The following B4GALT7 variants were observed in gnomAD, a reference collection of about 807,000 sequenced individuals.
B4GALT7 encodes beta-1,4-galactosyltransferase 7, also known as UDP-Gal:beta-GlcNAc beta-1,4-galactosyltransferase 7.
In B4GALT7, 30 loss-of-function variants were observed where a neutral mutation model predicts 33.0. That is an observed-to-expected ratio of 0.91 (90% CI 0.68 to 1.23). B4GALT7 has a LOEUF of 1.23. Among genes scored for constraint, B4GALT7 ranks in the 50% most tolerant of loss-of-function variants. The pLI, the probability that B4GALT7 is intolerant of heterozygous loss-of-function variation, is 0.00. For synonymous variants in B4GALT7, 213 were observed against 187.2 expected (o/e 1.14, Z -1.13); for missense variants, 507 against 450.8 (o/e 1.12, Z -1.13).
Position 177,608,086 on chromosome 5 carries a change from CT to C in B4GALT7, c.640-452del, listed in dbSNP as rs1768066248. ...TTGTGGCTCAGGCCTGGGTGTCCTC[CT>C]CTCCAGGCCATGGCAGGGGCCAGCT... is the stretch of plus-strand genomic sequence containing the variant. On this transcript the variant is annotated intron_variant, in intron 3 of 5. Coordinates refer to ENST00000029410, the MANE Select transcript of B4GALT7 (RefSeq NM_007255.3). This position sits in a 1 kb window ranked among gnomAD's most constrained non-coding sequence, Gnocchi z 4.1. 4.2e-6 allele frequency: 1 copy of C among 236,876 alleles called. No homozygotes were observed. The highest frequency in any genetic ancestry group is 8.4e-6 in the Non-Finnish European group (1 of 118,756). 14.7% of individuals were successfully genotyped at this position (236,876 alleles called of 1,614,324 possible). A position where few individuals can be genotyped will look rare whatever the true frequency, so the allele number is the denominator to read the frequency against.
intron 1 of B4GALT7, among the ~76,000 whole-genome samples, chr5:177,602,313 G>A (rs143426523): frequency 7.2e-4 from 110 of 152,260 alleles, no homozygotes; most frequent in African/African-American, 2.5e-3. Context: ...AAAGGGAGGA[G>A]TTGGTCTGGC....
At position 177,609,744 on chromosome 5, in the gene B4GALT7, G is replaced by A; in HGVS notation, c.*49G>A. The A allele has an allele frequency of 6.4e-7, 1 of 1,557,044 alleles. No homozygotes were observed. Among genetic ancestry groups the A allele is most frequent in the African/African-American group, 1.4e-5 (1 of 73,432 alleles). Reference sequence around the variant, plus strand: ...TGTACCTACAGGCCATATTGCTCAGGCTCAGGACAAGGCCTCAGGTCGTGG... The same window carrying A: ...TGTACCTACAGGCCATATTGCTCAGACTCAGGACAAGGCCTCAGGTCGTGG... On this transcript the variant is annotated 3_prime_UTR_variant, in exon 6 of 6. Transcript: ENST00000029410.
chr5:177,601,556 G>T (rs1453811085), intron 1 of B4GALT7: 2 of 152,264 alleles, frequency 1.3e-5, no homozygotes, highest in African/African-American at 4.8e-5. Context: ...TGTTTCCAGA[G>T]AAATTTACTG....
At position 177,609,613 on chromosome 5, in the gene B4GALT7, C is replaced by T; in HGVS notation, c.902C>T (p.Ser301Phe). 2 of 1,614,054 alleles carry T rather than the reference C, an allele frequency of 1.2e-6. No homozygotes were observed. Among genetic ancestry groups the T allele is most frequent in the Non-Finnish European group, 1.7e-6 (2 of 1,180,056 alleles). ...KYHVASRTALSVGGAPCTVLN... is the reference protein window; with the variant it reads ...KYHVASRTALFVGGAPCTVLN... ...CATGTGGCTTCCCGCACTGCCCTGT[C>T]TGTGGGCGGGGCCCCCTGCACTGTC... The change falls in exon 6 of 6, where the codon TCT becomes TTT. Residue 301 changes from serine (S) to phenylalanine (F), a missense_variant. Physicochemically the swap from Ser to Phe is radical, Grantham distance 155 (BLOSUM62 -2). Coordinates refer to ENST00000029410, the MANE Select transcript of B4GALT7 (RefSeq NM_007255.3).
At chr5:177,604,733 A>G (rs756930414) in intron 2 of B4GALT7, among the ~76,000 whole-genome samples, 192 bp downstream of exon 2, 44 of 152,148 alleles carry the variant, frequency 2.9e-4, no homozygotes, top group Non-Finnish European at 4.1e-4. Flanking sequence ...TGGCTGCCGT[A>G]TGTGGAATGG....
rs762603211 is a variant in B4GALT7, at chr5:177,608,941, A to G, written c.755A>G (p.Tyr252Cys). 6.2e-7 allele frequency: 1 copy of G among 1,613,782 alleles called. No individual in the cohort carries two copies. Among genetic ancestry groups the G allele is most frequent in the South Asian group, 1.1e-5 (1 of 91,078 alleles). ...CGCCCCTCGGGAATCACAACTGGGT[A>G]CAAGACATTTCGCCACCTGCATGAC... ...LFRPSGITTG[Y>C]KTFRHLHDPA... The change falls in exon 5 of 6, where the codon TAC (tyrosine) becomes TGC (cysteine). Residue 252 changes from tyrosine (Y) to cysteine (C), a missense_variant. By Grantham distance (194) the Tyr-to-Cys change is radical (BLOSUM62 -2). Coordinates refer to ENST00000029410, the MANE Select transcript of B4GALT7 (RefSeq NM_007255.3). The surrounding 1 kb of genome is among the most constrained non-coding windows in gnomAD (Gnocchi z 4.1).
intron 1 of B4GALT7, among the ~76,000 whole-genome samples, chr5:177,602,261 G>A (rs1040875750): frequency 6.6e-6 from 1 of 152,158 alleles, no homozygotes; most frequent in African/African-American, 2.4e-5. Flanking sequence ...CCTGGGCCTG[G>A]CTGCAAGGCT....
At position 177,604,173 on chromosome 5, in the gene B4GALT7, C is replaced by T. The variant is rs1157216391; in HGVS notation, c.51-6C>T. ...CCCTCCTGACCCTGTCCCGCGCTTG[C>T]TCCAGGTCCGGGTTGCTCTCCGGCG... On this transcript the variant is annotated splice_polypyrimidine_tract_variant and splice_region_variant and intron_variant, in intron 1 of 5. Transcript: ENST00000029410. 1 of 1,613,384 alleles carries T rather than the reference C, an allele frequency of 6.2e-7. No individual in the cohort carries two copies. Among genetic ancestry groups the T allele is most frequent in the Non-Finnish European group, 8.5e-7 (1 of 1,179,952 alleles).
At chr5:177,604,145 C>G in intron 1 of B4GALT7, 34 bp from the exon 2 acceptor site, 1 of 1,612,616 alleles carries the variant, frequency 6.2e-7, no homozygotes, top group Non-Finnish European at 8.5e-7. Flanking sequence ...CAGCCCTGCC[C>G]CGCCCTCCTG....
chr5:177,602,468 C>A (rs1182228478), intron 1 of B4GALT7, among the ~76,000 whole-genome samples: 1 of 152,044 alleles, frequency 6.6e-6, no homozygotes, highest in Non-Finnish European at 1.5e-5. Context: ...GGACACAAGG[C>A]ATTACAAAAA....
Position 177,608,750 on chromosome 5 carries a change from C to T in B4GALT7, c.723+128C>T. On this transcript the variant is annotated intron_variant, in intron 4 of 5. Coordinates refer to ENST00000029410, the MANE Select transcript of B4GALT7 (RefSeq NM_007255.3). The surrounding 1 kb of genome is among the most constrained non-coding windows in gnomAD (Gnocchi z 4.1). ...ATTCTGATCCCTGCCCTAACCCTGC[C>T]CTGCATGGTCATCTAGCCAGTTCCT... 9.0e-7 allele frequency: 1 copy of T among 1,116,906 alleles called. No homozygotes were observed. The allele number at this position is 1,116,906 out of a possible 1,614,324, so 69.2% of individuals were successfully genotyped here.
chr5:177,604,407 C>T lies in B4GALT7; in HGVS notation c.279C>T (p.His93=), dbSNP rs781594235. 1 of 1,613,860 alleles carries T rather than the reference C, an allele frequency of 6.2e-7. No individual in the cohort carries two copies. The highest frequency in any genetic ancestry group is 8.5e-7 in the Non-Finnish European group (1 of 1,179,878). The part of the protein sequence containing the change: ...HWEEDASWGP[H]RLAVLVPFRE... ...AAGAAGACGCATCCTGGGGCCCCCACCGCCTGGCAGTGCTGGTGCCCTTCC... is the reference window on the plus strand; with the variant it reads ...AAGAAGACGCATCCTGGGGCCCCCATCGCCTGGCAGTGCTGGTGCCCTTCC... The change falls in exon 2 of 6, where the codon CAC becomes CAT. Residue 93 remains histidine (H), a synonymous_variant. Coordinates refer to ENST00000029410, the MANE Select transcript of B4GALT7 (RefSeq NM_007255.3).
Position 177,600,203 on chromosome 5 carries a change from T to C in B4GALT7, c.-8T>C, listed in dbSNP as rs560625352. ...CGCCTGCCCCATGCGCCGCCGCCTC[T>C]CCGCACGATGTTCCCCTCGCGGAGG... is the stretch of plus-strand genomic sequence containing the variant. On this transcript the variant is annotated 5_prime_UTR_variant, in exon 1 of 6. Coordinates refer to ENST00000029410, the MANE Select transcript of B4GALT7 (RefSeq NM_007255.3). This position sits in a 1 kb window ranked among gnomAD's most constrained non-coding sequence, Gnocchi z 4.4. 2 of 1,369,908 alleles carry C rather than the reference T, an allele frequency of 1.5e-6. No homozygotes were observed. Among genetic ancestry groups the C allele is most frequent in the Non-Finnish European group, 1.9e-6 (2 of 1,054,892 alleles). 84.9% of individuals were successfully genotyped at this position (1,369,908 alleles called of 1,614,324 possible).
rs774293088 is a variant in B4GALT7, at chr5:177,608,576, G to C, written c.677G>C (p.Arg226Pro). ...TCCAACCGCTTCTGGGGCTGGGGCCGCGAGGACGACGAGTTCTACCGGCGC... is the reference window on the plus strand; with the variant it reads ...TCCAACCGCTTCTGGGGCTGGGGCCCCGAGGACGACGAGTTCTACCGGCGC... ...GMSNRFWGWG[R>P]EDDEFYRRIK... Residue 226 changes from arginine to proline, a missense_variant, in exon 4 of 6, where the codon CGC becomes CCC. Coordinates refer to ENST00000029410, the MANE Select transcript of B4GALT7 (RefSeq NM_007255.3). The surrounding 1 kb of genome is among the most constrained non-coding windows in gnomAD (Gnocchi z 4.1). 1 of 1,613,670 alleles carries C rather than the reference G, an allele frequency of 6.2e-7. No individual in the cohort carries two copies. The highest frequency in any genetic ancestry group is 1.7e-5 in the Admixed American group (1 of 59,998).
rs1768043783 is a variant in B4GALT7 at position 177,607,364 on chromosome 5, T to C, written c.476T>C (p.Ile159Thr). The change falls in exon 3 of 6, where the codon ATT (isoleucine) becomes ACT (threonine). Residue 159 changes from isoleucine to threonine, a missense_variant. Coordinates refer to ENST00000029410, the MANE Select transcript of B4GALT7 (RefSeq NM_007255.3). ...GAGAGCAGCAACAGCACGGACTACA[T>C]TGCCATGCACGACGTTGACCTGCTC... is the stretch of plus-strand genomic sequence containing the variant. ...FLESSNSTDY[I>T]AMHDVDLLPL... 3 of 1,613,934 alleles carry C rather than the reference T, an allele frequency of 1.9e-6. No individual in the cohort carries two copies. Among genetic ancestry groups the C allele is most frequent in the Non-Finnish European group, 2.5e-6 (3 of 1,180,002 alleles).
At chr5:177,609,514 G>T (rs777215294) in intron 5 of B4GALT7, 26 bp from the exon 6 acceptor site, 9 of 1,612,180 alleles carry the variant, frequency 5.6e-6, no homozygotes, top group Non-Finnish European at 7.6e-6. Flanking sequence ...CCCTGAGTCC[G>T]TGCTCTTTCC....
rs778409854 is a variant in B4GALT7 at position 177,604,403 on chromosome 5, C to G, written c.275C>G (p.Pro92Arg). The G allele has an allele frequency of 1.9e-6, 3 of 1,613,802 alleles. No homozygotes were observed. Among genetic ancestry groups the G allele is most frequent in the Admixed American group, 3.3e-5 (2 of 60,024 alleles). Residue 92 changes from proline (P) to arginine (R), a missense_variant, in exon 2 of 6, where the codon CCC (proline) becomes CGC (arginine). Transcript: ENST00000029410. The part of the protein sequence containing the change: ...EHWEEDASWG[P>R]HRLAVLVPFR... ...TGGGAAGAAGACGCATCCTGGGGCC[C>G]CCACCGCCTGGCAGTGCTGGTGCCC... is the stretch of plus-strand genomic sequence containing the variant.
intron 2 of B4GALT7, chr5:177,605,310 A>C (rs1767961824): frequency 9.7e-6 from 3 of 308,882 alleles, no homozygotes; most frequent in Non-Finnish European, 1.9e-5. Context: ...TGGGCACTGG[A>C]GGGTATGGAG....
intron 3 of B4GALT7, chr5:177,607,910 G>T (rs779995519): frequency 6.0e-5 from 19 of 318,148 alleles, no homozygotes; most frequent in Non-Finnish European, 9.7e-5. Flanking sequence ...ATCCATCTAG[G>T]CCCCGGGCTG....
Sources: gnomAD v4.1 joint callset for allele counts (sites outside exome capture counted in the v4.1 genomes callset) on GRCh38, gnomAD v4.1.1 for gene constraint, Gnocchi (gnomAD v3.1) non-coding constraint, MANE v1.5 for transcripts, NCBI Gene and HGNC (gene_info 2026-07-23, HGNC 2026-07-21) for gene names.